CLINT1: variants seen among roughly 807,000 people sequenced by gnomAD.
CLINT1 encodes clathrin interactor 1.
A neutral mutation model predicts 70.4 loss-of-function variants in CLINT1; 15 were observed. The ratio of observed to expected loss-of-function variants is 0.21; its 90% CI spans 0.14 to 0.33. The LOEUF (loss-of-function observed/expected upper bound fraction) is 0.33, where lower values mean the gene tolerates loss of function less well. CLINT1 is among the 10% of genes least tolerant of loss of function. The pLI, the probability that CLINT1 is intolerant of heterozygous loss-of-function variation, is 1.00. For missense variants in CLINT1, 615 were observed against 778.1 expected (o/e 0.79, Z 2.49); for synonymous variants, 227 against 254.7 (o/e 0.89, Z 1.04).
intron 9 of CLINT1, among the ~76,000 whole-genome samples, chr5:157,793,814 T>C (rs764365525): frequency 2.6e-5 from 4 of 152,184 alleles, no homozygotes; most frequent in South Asian, 2.1e-4. Flanking sequence ...TTACAAGCTA[T>C]GTATCTTTTT....
chr5:157,811,067 A>C (rs889486552), intron 5 of CLINT1, among the ~76,000 whole-genome samples: 4 of 152,228 alleles, frequency 2.6e-5, no homozygotes, highest in Admixed American at 6.5e-5. Context: ...TGATTTTCCA[A>C]CAATGTGTAT....
intron 7 of CLINT1, among the ~76,000 whole-genome samples, chr5:157,804,768 T>C (rs1652664828): frequency 6.6e-6 from 1 of 151,752 alleles, no homozygotes; most frequent in African/African-American, 2.4e-5. Flanking sequence ...CTACTAAAAA[T>C]ACAAAAAAAT....
At chr5:157,801,117 C>T (rs1176825372) in intron 8 of CLINT1, among the ~76,000 whole-genome samples, 2 of 152,224 alleles carry the variant, frequency 1.3e-5, no homozygotes, top group Admixed American at 6.5e-5. Context: ...TGTAGCTGTC[C>T]GTAACCTTGG....
At chr5:157,844,180 T>G (rs747103868) in intron 1 of CLINT1, among the ~76,000 whole-genome samples, 32 of 152,170 alleles carry the variant, frequency 2.1e-4, no homozygotes, top group Non-Finnish European at 4.1e-4. Context: ...GAAGGAAAAC[T>G]GTTTCTAGAA....
intron 1 of CLINT1, among the ~76,000 whole-genome samples, chr5:157,850,113 A>G (rs1753521817): frequency 6.6e-6 from 1 of 152,196 alleles, no homozygotes; most frequent in African/African-American, 2.4e-5. Context: ...GCGGGGCAAC[A>G]AAGAGCCAGA....
intron 5 of CLINT1, among the ~76,000 whole-genome samples, chr5:157,812,492 C>T (rs899416561): frequency 9.2e-5 from 14 of 152,198 alleles, no homozygotes; most frequent in African/African-American, 3.4e-4. Context: ...AATGTTCTAG[C>T]TGCTCTTAAG....
chr5:157,831,564 C>A (rs1293938014), intron 1 of CLINT1, among the ~76,000 whole-genome samples: 1 of 152,116 alleles, frequency 6.6e-6, no homozygotes, highest in Non-Finnish European at 1.5e-5. Flanking sequence ...CACTCTCACA[C>A]CAGCAGCTAC....
chr5:157,835,961 G>C (rs1230114297), intron 1 of CLINT1, among the ~76,000 whole-genome samples: 2 of 152,108 alleles, frequency 1.3e-5, no homozygotes, highest in Non-Finnish European at 2.9e-5. Context: ...TATGGATTTG[G>C]GAGCCATCAC....
intron 1 of CLINT1, among the ~76,000 whole-genome samples, chr5:157,852,571 C>T (rs1267093320): frequency 6.6e-6 from 1 of 152,172 alleles, no homozygotes; most frequent in East Asian, 1.9e-4. Context: ...ATAGATGTTT[C>T]AAGAGTTTAC....
At chr5:157,849,398 T>C (rs920096536) in intron 1 of CLINT1, among the ~76,000 whole-genome samples, 6 of 152,228 alleles carry the variant, frequency 3.9e-5, no homozygotes, top group African/African-American at 1.4e-4. Flanking sequence ...TTTTTAAACA[T>C]AATACCATTG....
chr5:157,790,930 A>G (rs1761882568), intron 10 of CLINT1, among the ~76,000 whole-genome samples: 1 of 152,246 alleles, frequency 6.6e-6, no homozygotes, highest in Non-Finnish European at 1.5e-5. Context: ...AACATTCACC[A>G]TTCGAGAGAA....
chr5:157,801,939 A>T (rs557868522), intron 8 of CLINT1, among the ~76,000 whole-genome samples: 9 of 151,848 alleles, frequency 5.9e-5, no homozygotes, highest in South Asian at 2.1e-4. Context: ...CTGTCACTCC[A>T]GCTGGAGTGT....
intron 1 of CLINT1, among the ~76,000 whole-genome samples, chr5:157,835,779 T>C (rs1475688065): frequency 1.3e-5 from 2 of 152,212 alleles, no homozygotes; most frequent in African/African-American, 2.4e-5. Flanking sequence ...ATTAATTTAC[T>C]ATATCCTCTG....
intron 1 of CLINT1, among the ~76,000 whole-genome samples, chr5:157,819,013 T>C (rs1762802797): frequency 6.6e-6 from 1 of 152,196 alleles, no homozygotes; most frequent in Admixed American, 6.5e-5. Context: ...ATTACATGCA[T>C]ATACCCCACT....
At chr5:157,840,192 C>CAAAAAAAAAAAAAAAAAAAAAAAA (rs57245921) in intron 1 of CLINT1, among the ~76,000 whole-genome samples, 2 of 55,332 alleles carry the variant, frequency 3.6e-5, no homozygotes, top group Admixed American at 3.1e-4. Context: ...GAGACTGCCT[C>CAAAAAAAAAAAAAAAAAAAAAAAA]AAAAAAAAAA....
intron 1 of CLINT1, among the ~76,000 whole-genome samples, chr5:157,855,060 T>C (rs775350947): frequency 2.7e-5 from 4 of 148,736 alleles, no homozygotes; most frequent in Non-Finnish European, 4.4e-5. Flanking sequence ...AGGAGAATCA[T>C]TTGAACCCGG....
At chr5:157,837,266 G>A (rs1763453959) in intron 1 of CLINT1, among the ~76,000 whole-genome samples, 1 of 152,172 alleles carries the variant, frequency 6.6e-6, no homozygotes, top group African/African-American at 2.4e-5. Flanking sequence ...CCCAGGCATG[G>A]TGGCCCACAC....
chr5:157,845,546 T>C (rs1753341681), intron 1 of CLINT1, among the ~76,000 whole-genome samples: 1 of 150,814 alleles, frequency 6.6e-6, no homozygotes, highest in African/African-American at 2.4e-5. Flanking sequence ...GCATTAAGCA[T>C]TTTAGTATTT....
intron 5 of CLINT1, among the ~76,000 whole-genome samples, chr5:157,810,172 T>C (rs1469046572): frequency 6.6e-6 from 1 of 152,236 alleles, no homozygotes; most frequent in Non-Finnish European, 1.5e-5. Flanking sequence ...ACACTTAATA[T>C]GTTATATTTT....
Sources: allele counts gnomAD v4.1 joint callset (sites outside exome capture counted in the v4.1 genomes callset), GRCh38; gene constraint gnomAD v4.1.1; transcripts MANE v1.5; gene names NCBI Gene and HGNC (gene_info 2026-07-23, HGNC 2026-07-21).